The following SPMIP2 variants were observed in gnomAD, a reference collection of about 807,000 sequenced individuals.
SPMIP2 encodes sperm microtubule inner protein 2.
At chr4:158,901,457 TTA>T in the SPMIP2 span, among the ~76,000 whole-genome samples, 1 of 152,098 alleles carries the variant, frequency 6.6e-6, no homozygotes. Context: ...AATCTGACCA[TTA>T]TGTGTCTTGG....
the SPMIP2 span, among the ~76,000 whole-genome samples, chr4:159,034,714 A>G: frequency 1.3e-5 from 2 of 152,164 alleles, no homozygotes; most frequent in Non-Finnish European, 2.9e-5. Context: ...AACATGGTGA[A>G]ACCCTCATCT....
the SPMIP2 span, among the ~76,000 whole-genome samples, chr4:159,081,685 ACT>A: frequency 6.6e-6 from 1 of 151,894 alleles, no homozygotes; most frequent in South Asian, 2.1e-4. Context: ...ACAGAGTGAG[ACT>A]CTGTCTCCAA....
chr4:158,994,763 A>G, the SPMIP2 span, among the ~76,000 whole-genome samples: 1 of 152,212 alleles, frequency 6.6e-6, no homozygotes, highest in Non-Finnish European at 1.5e-5. Flanking sequence ...AACCTATGAA[A>G]TGAACTCTAA....
At chr4:159,027,156 TG>T in the SPMIP2 span, among the ~76,000 whole-genome samples, 1 of 152,116 alleles carries the variant, frequency 6.6e-6, no homozygotes, top group Admixed American at 6.5e-5. Context: ...AAAAGAACAG[TG>T]TTTGATGGAG....
At chr4:159,052,115 A>G in the SPMIP2 span, among the ~76,000 whole-genome samples, 4 of 152,196 alleles carry the variant, frequency 2.6e-5, no homozygotes, top group African/African-American at 7.2e-5. Flanking sequence ...GGAAGCAGAC[A>G]AAAGAGATGA....
the SPMIP2 span, among the ~76,000 whole-genome samples, chr4:158,947,744 A>G: frequency 6.6e-6 from 1 of 152,228 alleles, no homozygotes; most frequent in Non-Finnish European, 1.5e-5. Flanking sequence ...GGAAAAGACG[A>G]AAGAAATAAG....
the SPMIP2 span, among the ~76,000 whole-genome samples, chr4:158,997,532 G>A: frequency 6.6e-6 from 1 of 152,086 alleles, no homozygotes; most frequent in Non-Finnish European, 1.5e-5. Flanking sequence ...CAAGGATATG[G>A]GTTTATACTA....
At chr4:159,077,323 T>C in the SPMIP2 span, among the ~76,000 whole-genome samples, 2 of 151,696 alleles carry the variant, frequency 1.3e-5, no homozygotes, top group South Asian at 2.1e-4. Context: ...ATTTTTGCAT[T>C]ATTAGTAGAG....
the SPMIP2 span, among the ~76,000 whole-genome samples, chr4:158,935,082 A>G: frequency 1.3e-5 from 2 of 152,218 alleles, no homozygotes; most frequent in South Asian, 2.1e-4. Flanking sequence ...AACACTATGC[A>G]ATCTTTTTCC....
chr4:158,947,693 T>C, the SPMIP2 span, among the ~76,000 whole-genome samples: 1 of 152,172 alleles, frequency 6.6e-6, no homozygotes, highest in African/African-American at 2.4e-5. Context: ...ACTATATTGA[T>C]GAGTTAATCC....
the SPMIP2 span, among the ~76,000 whole-genome samples, chr4:158,933,757 C>G: frequency 6.6e-6 from 1 of 152,046 alleles, no homozygotes. Context: ...CTTTCTGTTC[C>G]TTTACCATTG....
chr4:159,078,260 C>T, the SPMIP2 span, among the ~76,000 whole-genome samples: 1 of 152,140 alleles, frequency 6.6e-6, no homozygotes, highest in South Asian at 2.1e-4. Flanking sequence ...CTCTGAGATC[C>T]AGAACAGTGC....
the SPMIP2 span, among the ~76,000 whole-genome samples, chr4:159,069,356 C>T: frequency 6.6e-6 from 1 of 152,110 alleles, no homozygotes; most frequent in Middle Eastern, 3.2e-3. Context: ...TTTTCACTTT[C>T]TCTTAAAAAT....
chr4:158,910,146 G>A, the SPMIP2 span, among the ~76,000 whole-genome samples: 1 of 152,014 alleles, frequency 6.6e-6, no homozygotes, highest in Non-Finnish European at 1.5e-5. Context: ...TTCCCAAACC[G>A]TTGGGATTAC....
chr4:158,992,146 C>T, the SPMIP2 span, among the ~76,000 whole-genome samples: 2 of 152,218 alleles, frequency 1.3e-5, no homozygotes, highest in East Asian at 1.9e-4. Flanking sequence ...CCTCGGCCTT[C>T]CGAAGTGCTG....
chr4:159,038,116 T>C, the SPMIP2 span, among the ~76,000 whole-genome samples: 1 of 152,226 alleles, frequency 6.6e-6, no homozygotes, highest in African/African-American at 2.4e-5. Context: ...TGTAGTTTTC[T>C]GCATACATCT....
the SPMIP2 span, among the ~76,000 whole-genome samples, chr4:158,958,783 T>C: frequency 1.3e-5 from 2 of 152,124 alleles, no homozygotes; most frequent in African/African-American, 4.8e-5. Flanking sequence ...GGTAGGTGCT[T>C]ATAGTCTCAC....
At chr4:159,003,056 A>AT in the SPMIP2 span, among the ~76,000 whole-genome samples, 2 of 151,850 alleles carry the variant, frequency 1.3e-5, no homozygotes, top group Non-Finnish European at 2.9e-5. Context: ...TATTCCTTTC[A>AT]TTTTTTCCTC....
At chr4:158,904,106 G>A in the SPMIP2 span, among the ~76,000 whole-genome samples, 1 of 152,200 alleles carries the variant, frequency 6.6e-6, no homozygotes, top group Non-Finnish European at 1.5e-5. Flanking sequence ...TTGACTGGAA[G>A]AATGAGTTTA....
Sources: allele counts gnomAD v4.1 joint callset (sites outside exome capture counted in the v4.1 genomes callset), GRCh38; gene constraint gnomAD v4.1.1; transcripts MANE v1.5; gene names NCBI Gene and HGNC (gene_info 2026-07-23, HGNC 2026-07-21).